LHPP: variants seen among roughly 807,000 people sequenced by gnomAD.
The protein encoded by LHPP is phospholysine phosphohistidine inorganic pyrophosphate phosphatase.
LHPP carries 24 observed loss-of-function variants against 30.3 expected under a neutral mutation model. That is an observed-to-expected ratio of 0.79 (90% CI 0.57 to 1.11). The LOEUF is 1.11. Ranked by LOEUF, LHPP falls within the 50% of genes most tolerant of loss-of-function variation. LHPP has a pLI of 0.00. For synonymous variants in LHPP, 150 were observed against 157.1 expected (o/e 0.95, Z 0.34); for missense variants, 356 against 367.2 (o/e 0.97, Z 0.25).
intron 6 of LHPP, among the ~76,000 whole-genome samples, chr10:124,543,235 C>T (rs1191817928): frequency 6.6e-6 from 1 of 152,246 alleles, no homozygotes; most frequent in African/African-American, 2.4e-5. Context: ...CTGTATGGCC[C>T]CCACAGGGGT....
chr10:124,516,217 C>T (rs1954449895), intron 5 of LHPP, among the ~76,000 whole-genome samples: 1 of 152,222 alleles, frequency 6.6e-6, no homozygotes, highest in African/African-American at 2.4e-5. Context: ...GGGCTCTCTT[C>T]CCAGCTTGTA....
rs190348565 is a variant in LHPP, at chr10:124,613,445, G to A, written c.*85G>A. 3.3e-3 allele frequency: 1,787 copies of A among 543,468 alleles called. 30 individuals are homozygous for A. The African/African-American group carries it at 0.075, about 23-fold the overall frequency. The allele number at this position is 543,468 out of a possible 1,614,324, so 33.7% of individuals were successfully genotyped here. A position where few individuals can be genotyped will look rare whatever the true frequency, so the allele number is the denominator to read the frequency against. On this transcript the variant is annotated 3_prime_UTR_variant, in exon 7 of 7. Transcript: ENST00000368842. ...CTCCACCCCTGCCTCTCCTCCACCC[G>A]CCCAGGAGAGCCCCACCTCCTCCAC... is the stretch of plus-strand genomic sequence containing the variant.
At chr10:124,532,600 T>C (rs1209080497) in intron 6 of LHPP, among the ~76,000 whole-genome samples, 1 of 152,264 alleles carries the variant, frequency 6.6e-6, no homozygotes, top group East Asian at 1.9e-4. Flanking sequence ...ACCTTGCCTG[T>C]GGTGGACACT....
intron 6 of LHPP, among the ~76,000 whole-genome samples, chr10:124,522,730 C>T (rs1000174662): frequency 1.3e-5 from 2 of 149,840 alleles, no homozygotes; most frequent in Middle Eastern, 3.4e-3. Context: ...CACGCCCCCC[C>T]CCAAGCACTG....
chr10:124,485,854 G>A (rs983302236), intron 2 of LHPP, among the ~76,000 whole-genome samples: 1 of 152,132 alleles, frequency 6.6e-6, no homozygotes, highest in Non-Finnish European at 1.5e-5. Context: ...ACCCACCTTG[G>A]CCTCCCAAAG....
intron 6 of LHPP, among the ~76,000 whole-genome samples, chr10:124,519,955 C>G (rs1299474880): frequency 6.6e-6 from 1 of 152,082 alleles, no homozygotes; most frequent in African/African-American, 2.4e-5. Context: ...GCCTCAGCCT[C>G]CCAAGTAGCT....
intron 6 of LHPP, among the ~76,000 whole-genome samples, chr10:124,518,917 G>A (rs576490770): frequency 7.2e-5 from 11 of 152,254 alleles, no homozygotes; most frequent in Non-Finnish European, 1.3e-4. Context: ...ACTGTCTCCC[G>A]GAGAGAGAGA....
At chr10:124,511,624 C>A (rs971577580) in intron 5 of LHPP, among the ~76,000 whole-genome samples, 14 of 152,322 alleles carry the variant, frequency 9.2e-5, no homozygotes, top group Admixed American at 9.1e-4. Flanking sequence ...CTGGCCTCTG[C>A]TTGACTATGA....
intron 5 of LHPP, chr10:124,498,482 G>A: frequency 6.9e-7 from 1 of 1,459,314 alleles, no homozygotes; most frequent in Non-Finnish European, 9.0e-7. Flanking sequence ...ACAATATGGA[G>A]GAAATAATAA....
At chr10:124,561,749 AGG>A (rs1251822643) in intron 6 of LHPP, among the ~76,000 whole-genome samples, 3 of 151,824 alleles carry the variant, frequency 2.0e-5, no homozygotes, top group Non-Finnish European at 4.4e-5. Flanking sequence ...TGTCCAGAGA[AGG>A]CCACTGAAAG....
At chr10:124,467,801 C>T (rs1313561612) in intron 1 of LHPP, among the ~76,000 whole-genome samples, 2 of 151,804 alleles carry the variant, frequency 1.3e-5, no homozygotes, top group African/African-American at 4.8e-5. Context: ...CTGCAGCCTC[C>T]GCCTCCTGGG....
chr10:124,462,111 C>CTTT lies in LHPP; in HGVS notation c.125+124_125+125insTTT, dbSNP rs1564759793. ...GGCGCAGGCCCCGCCTCGGTCTCCC[C>CTTT]CTTCCCACCCCGGTGCGCGCACAGT... On this transcript the variant is annotated intron_variant, in intron 1 of 6. Coordinates refer to ENST00000368842, the MANE Select transcript of LHPP (RefSeq NM_022126.4). The CTTT allele has an allele frequency of 7.6e-6, 7 of 925,146 alleles. No individual in the cohort carries two copies. The African/African-American group carries it at 1.2e-4, about 16-fold the overall frequency. 57.3% of individuals were successfully genotyped at this position (925,146 alleles called of 1,614,324 possible). A position where few individuals can be genotyped will look rare whatever the true frequency, so the allele number is the denominator to read the frequency against.
chr10:124,567,825 G>C (rs1323583764), intron 6 of LHPP, among the ~76,000 whole-genome samples: 1 of 152,230 alleles, frequency 6.6e-6, no homozygotes, highest in Non-Finnish European at 1.5e-5. Context: ...CTGTACCCAC[G>C]TGCACACACG....
At chr10:124,486,190 C>T (rs553115385) in intron 2 of LHPP, among the ~76,000 whole-genome samples, 31 of 152,244 alleles carry the variant, frequency 2.0e-4, no homozygotes, top group African/African-American at 7.0e-4. Context: ...ACCCATGGAA[C>T]CCAACCCCGT....
rs1564796534 is a variant in LHPP, at chr10:124,506,692, GGTTGGCGGGTAGGGAA to G, written c.624+8566_624+8581del. On this transcript the variant is annotated intron_variant, in intron 5 of 6. Coordinates refer to ENST00000368842, the MANE Select transcript of LHPP (RefSeq NM_022126.4). ...AGGTTGGGGGGTAGGGAAGATTTCA[GGTTGGCGGGTAGGGAA>G]GATTTCAAGTGGGGTGGGTAAGGAG... is the stretch of plus-strand genomic sequence containing the variant. 5.5e-4 allele frequency among the ~76,000 whole-genome samples: 46 copies of G among 84,278 alleles called. 3 individuals are homozygous for G. Among genetic ancestry groups the G allele is most frequent in the Non-Finnish European group, 7.9e-4 (31 of 39,018 alleles). The allele number at this position is 84,278 out of a possible 152,430, so 55.3% of individuals were successfully genotyped here.
chr10:124,611,044 G>T (rs1051094161), intron 6 of LHPP, among the ~76,000 whole-genome samples: 1 of 150,832 alleles, frequency 6.6e-6, no homozygotes. Context: ...GAGCGGGTGC[G>T]GGTGAGGGGG....
intron 5 of LHPP, among the ~76,000 whole-genome samples, chr10:124,503,071 TA>T (rs1468736993): frequency 1.3e-5 from 2 of 151,928 alleles, no homozygotes; most frequent in Non-Finnish European, 2.9e-5. Context: ...ATAATTCTTT[TA>T]TTTTTTTATT....
chr10:124,493,220 C>G (rs1232934577), intron 3 of LHPP, among the ~76,000 whole-genome samples: 1 of 152,048 alleles, frequency 6.6e-6, no homozygotes, highest in African/African-American at 2.4e-5. Flanking sequence ...AGTGGCGTCT[C>G]TGCTGATGGG....
At chr10:124,516,935 T>C (rs1398345948) in intron 5 of LHPP, among the ~76,000 whole-genome samples, 1 of 152,170 alleles carries the variant, frequency 6.6e-6, no homozygotes, top group Non-Finnish European at 1.5e-5. Context: ...CTTTGACGTC[T>C]GCTGATTGAT....
Sources: allele counts gnomAD v4.1 joint callset (sites outside exome capture counted in the v4.1 genomes callset), GRCh38; gene constraint gnomAD v4.1.1; transcripts MANE v1.5; gene names NCBI Gene and HGNC (gene_info 2026-07-23, HGNC 2026-07-21).